PTPRD: variants seen among roughly 807,000 people sequenced by gnomAD.
PTPRD encodes the protein receptor-type tyrosine-protein phosphatase delta.
A neutral mutation model predicts 214.5 loss-of-function variants in PTPRD; 34 were observed. The observed-to-expected ratio is 0.16, with a 90% CI of 0.12 to 0.21. The LOEUF (loss-of-function observed/expected upper bound fraction) is 0.21, where lower values mean the gene tolerates loss of function less well. Among genes scored for constraint, PTPRD ranks in the 10% least tolerant of loss-of-function variants. The pLI is 1.00. For synonymous variants in PTPRD, 1,128 were observed against 845.7 expected (o/e 1.33, Z -5.79); for missense variants, 2,545 against 2,398.7 (o/e 1.06, Z -1.27).
chr9:10,312,441 C>T (rs976562398), intron 3 of PTPRD, among the ~76,000 whole-genome samples: 2 of 151,674 alleles, frequency 1.3e-5, no homozygotes, highest in Admixed American at 6.6e-5. Context: ...TATATAGACG[C>T]CTTTTAGTTT....
At chr9:9,040,194 T>C (rs1038191698) in intron 10 of PTPRD, among the ~76,000 whole-genome samples, 1 of 152,166 alleles carries the variant, frequency 6.6e-6, no homozygotes, top group African/African-American at 2.4e-5. Flanking sequence ...GATGTGGAAT[T>C]GGAGGCTTGG....
chr9:9,048,651 G>A (rs1172086010), intron 10 of PTPRD, among the ~76,000 whole-genome samples: 1 of 152,126 alleles, frequency 6.6e-6, no homozygotes, highest in Non-Finnish European at 1.5e-5. Flanking sequence ...GGTTACCGGG[G>A]GCTAGGAAAG....
chr9:8,349,009 G>C (rs973399302), intron 39 of PTPRD, among the ~76,000 whole-genome samples: 1 of 151,746 alleles, frequency 6.6e-6, no homozygotes, highest in African/African-American at 2.4e-5. Flanking sequence ...TTCCATGCCA[G>C]GGAAATTGAA....
intron 3 of PTPRD, among the ~76,000 whole-genome samples, chr9:10,141,098 C>A (rs1275433510): frequency 6.6e-6 from 1 of 152,034 alleles, no homozygotes; most frequent in Non-Finnish European, 1.5e-5. Context: ...TGGGACGTAT[C>A]TCAAAATAAT....
At chr9:8,770,884 G>C (rs988208240) in intron 11 of PTPRD, among the ~76,000 whole-genome samples, 1 of 152,038 alleles carries the variant, frequency 6.6e-6, no homozygotes, top group African/African-American at 2.4e-5. Flanking sequence ...CAGTTTCTTT[G>C]ATAACAGTCT....
chr9:8,993,936 A>G (rs1016326950), intron 11 of PTPRD, among the ~76,000 whole-genome samples: 10 of 152,172 alleles, frequency 6.6e-5, no homozygotes, highest in African/African-American at 2.4e-4. Flanking sequence ...GTAATATTTG[A>G]TAAGTGTTCA....
At chr9:9,931,955 C>T (rs939267012) in intron 5 of PTPRD, among the ~76,000 whole-genome samples, 17 of 151,818 alleles carry the variant, frequency 1.1e-4, no homozygotes, top group South Asian at 4.2e-4. Flanking sequence ...AGGCACCCCC[C>T]AGCAGGGGCA....
chr9:8,471,250 T>C (rs1385842454), intron 30 of PTPRD, among the ~76,000 whole-genome samples, 165 bp from the exon 31 acceptor site: 1 of 152,268 alleles, frequency 6.6e-6, no homozygotes, highest in East Asian at 1.9e-4. Context: ...TTGTTCAATT[T>C]TAAAAACAAC....
intron 5 of PTPRD, among the ~76,000 whole-genome samples, chr9:9,888,323 G>A (rs2071768481): frequency 6.6e-6 from 1 of 152,152 alleles, no homozygotes; most frequent in Admixed American, 6.5e-5. Flanking sequence ...ATCTACTTTG[G>A]ACATTGCCTT....
At chr9:9,735,674 TG>T (rs1232762816) in intron 6 of PTPRD, among the ~76,000 whole-genome samples, 1 of 152,106 alleles carries the variant, frequency 6.6e-6, no homozygotes, top group Non-Finnish European at 1.5e-5. Context: ...GCTTCACTTT[TG>T]AAGAGTAAGT....
intron 2 of PTPRD, among the ~76,000 whole-genome samples, chr9:10,343,805 G>A (rs1476605621): frequency 6.6e-6 from 1 of 151,804 alleles, no homozygotes; most frequent in Non-Finnish European, 1.5e-5. Flanking sequence ...CATATCCTTT[G>A]CCCACTTTTT....
chr9:9,520,520 A>G (rs889611842), intron 8 of PTPRD, among the ~76,000 whole-genome samples: 1 of 152,112 alleles, frequency 6.6e-6, no homozygotes, highest in South Asian at 2.1e-4. Context: ...TGGAAGAAAT[A>G]CAGTGTCTTT....
At chr9:10,114,820 C>G (rs938133623) in intron 3 of PTPRD, among the ~76,000 whole-genome samples, 16 of 151,918 alleles carry the variant, frequency 1.1e-4, no homozygotes, top group African/African-American at 3.4e-4. Flanking sequence ...AAATGTTAAG[C>G]TGATTCATGT....
rs375086211 is a variant in PTPRD, at chr9:8,521,257, G to C, written c.961+20C>G. ...GCTTGAGTGTACCCAGATCCTCAAA[G>C]CATAATCCATTGAGCATACCTTTGA... On this transcript the variant is annotated intron_variant, in intron 20 of 45. Coordinates refer to ENST00000381196, the MANE Select transcript of PTPRD (RefSeq NM_002839.4). 1 of 1,598,330 alleles carries C rather than the reference G, an allele frequency of 6.3e-7. No homozygotes were observed. Among genetic ancestry groups the C allele is most frequent in the African/African-American group, 1.3e-5 (1 of 74,892 alleles).
At chr9:8,667,965 A>T (rs966519754) in intron 12 of PTPRD, among the ~76,000 whole-genome samples, 1 of 152,142 alleles carries the variant, frequency 6.6e-6, no homozygotes, top group Admixed American at 6.5e-5. Context: ...TAAAAATAAA[A>T]TAAAAACTAA....
chr9:10,460,327 G>A (rs2098949306), intron 2 of PTPRD, among the ~76,000 whole-genome samples: 1 of 151,682 alleles, frequency 6.6e-6, no homozygotes, highest in Non-Finnish European at 1.5e-5. Flanking sequence ...TAGATTCAAT[G>A]CAGTCCCTAT....
chr9:8,887,248 A>AC (rs2098499011), intron 11 of PTPRD, among the ~76,000 whole-genome samples: 1 of 152,096 alleles, frequency 6.6e-6, no homozygotes, highest in Non-Finnish European at 1.5e-5. Context: ...CACGGCAGAG[A>AC]CCTAGGTGGT....
chr9:9,820,328 A>G (rs2050265920), intron 5 of PTPRD, among the ~76,000 whole-genome samples: 1 of 152,080 alleles, frequency 6.6e-6, no homozygotes, highest in African/African-American at 2.4e-5. Context: ...CATTTTTAAA[A>G]TGGGGCTGTT....
intron 6 of PTPRD, among the ~76,000 whole-genome samples, chr9:9,763,000 G>A (rs2098673371): frequency 6.6e-6 from 1 of 152,158 alleles, no homozygotes; most frequent in South Asian, 2.1e-4. Flanking sequence ...CTTGCTGTGT[G>A]TTCACATGAT....
Sources: gnomAD v4.1 joint callset for allele counts (sites outside exome capture counted in the v4.1 genomes callset) on GRCh38, gnomAD v4.1.1 for gene constraint, MANE v1.5 for transcripts, NCBI Gene and HGNC (gene_info 2026-07-23, HGNC 2026-07-21) for gene names.